TDP1: variants seen among roughly 807,000 people sequenced by gnomAD.
TDP1 encodes tyr-DNA phosphodiesterase 1.
TDP1 carries 64 observed loss-of-function variants against 81.5 expected under a neutral mutation model. The observed-to-expected ratio is 0.79, with a 90% CI of 0.64 to 0.97. The LOEUF (loss-of-function observed/expected upper bound fraction) is 0.97, where lower values mean the gene tolerates loss of function less well. Ranked by LOEUF, TDP1 falls within the 50% of genes least tolerant of loss-of-function variation. TDP1 has a pLI of 0.00. For missense variants in TDP1, 723 were observed against 743.8 expected, an observed-to-expected ratio of 0.97 and a Z score of 0.33; for synonymous variants, 256 against 264.3, an observed-to-expected ratio of 0.97 and a Z score of 0.30.
intron 14 of TDP1, among the ~76,000 whole-genome samples, chr14:90,011,575 G>A (rs1002639192): frequency 1.3e-5 from 2 of 152,220 alleles, no homozygotes; most frequent in South Asian, 4.1e-4. Flanking sequence ...TGAGAAACTT[G>A]TTGGGAACTG....
rs77906527 is a variant in TDP1 at position 90,001,354 on chromosome 14, T to G, written c.1541+7871T>G. ...CATTTTTCATAGATCCTGGGTCACG[T>G]TTTAGTATATGGTTGCCATAGTTAC... On this transcript the variant is annotated intron_variant, in intron 14 of 16. Coordinates refer to ENST00000335725, the MANE Select transcript of TDP1 (RefSeq NM_018319.4). 1.2e-3 allele frequency among the ~76,000 whole-genome samples: 188 copies of G among 152,340 alleles called. 1 individual carries two copies. Among genetic ancestry groups the G allele is most frequent in the African/African-American group, 4.4e-3 (182 of 41,582 alleles).
chr14:89,963,723 TCTC>T (rs1892607989), intron 3 of TDP1, 50 bp downstream of exon 3: 1 of 1,602,598 alleles, frequency 6.2e-7, no homozygotes, highest in African/African-American at 1.3e-5. Flanking sequence ...CTTGAGAGTC[TCTC>T]CTCCGTGAAA....
chr14:89,961,019 G>A (rs1159365785), intron 2 of TDP1, among the ~76,000 whole-genome samples: 1 of 152,198 alleles, frequency 6.6e-6, no homozygotes, highest in African/African-American at 2.4e-5. Flanking sequence ...ATCCCAGGGA[G>A]GAGAGGGTAG....
At chr14:89,966,660 G>C (rs1892977763) in intron 4 of TDP1, among the ~76,000 whole-genome samples, 1 of 152,182 alleles carries the variant, frequency 6.6e-6, no homozygotes, top group Admixed American at 6.5e-5. Flanking sequence ...TAATGGTCCA[G>C]ACCCACAAGT....
chr14:89,961,111 G>T (rs1031319071), intron 2 of TDP1, among the ~76,000 whole-genome samples: 42 of 152,192 alleles, frequency 2.8e-4, no homozygotes, highest in Non-Finnish European at 5.3e-4. Flanking sequence ...ACCAAGGGGG[G>T]ACACGTGTGC....
chr14:90,042,798 T>C (rs2140361952), intron 16 of TDP1: 2 of 843,774 alleles, frequency 2.4e-6, no homozygotes, highest in Non-Finnish European at 2.9e-6. Context: ...CCTCCCACGA[T>C]ATGTGGGAAT....
chr14:90,041,230 G>A (rs922703569), intron 16 of TDP1, among the ~76,000 whole-genome samples: 2 of 152,192 alleles, frequency 1.3e-5, no homozygotes, highest in African/African-American at 2.4e-5. Flanking sequence ...AAGAGAGCAA[G>A]GGCTTGCTGA....
intron 14 of TDP1, among the ~76,000 whole-genome samples, chr14:90,007,413 A>AC (rs1469143834): frequency 6.6e-6 from 1 of 152,026 alleles, no homozygotes; most frequent in African/African-American, 2.4e-5. Flanking sequence ...ACATGGTGAA[A>AC]CCCTGTCTCT....
intron 7 of TDP1, among the ~76,000 whole-genome samples, chr14:89,977,652 A>G (rs895800162): frequency 2.6e-5 from 4 of 152,250 alleles, no homozygotes; most frequent in Non-Finnish European, 5.9e-5. Context: ...ACACAGCTCA[A>G]GAGGATATAG....
At chr14:90,027,168 G>C (rs1886761355) in intron 15 of TDP1, among the ~76,000 whole-genome samples, 2 of 152,072 alleles carry the variant, frequency 1.3e-5, no homozygotes, top group South Asian at 4.2e-4. Flanking sequence ...GGTGTGAGAT[G>C]GTATCTCATT....
intron 2 of TDP1, among the ~76,000 whole-genome samples, chr14:89,957,913 T>G (rs1039609596): frequency 6.6e-6 from 1 of 152,160 alleles, no homozygotes; most frequent in Non-Finnish European, 1.5e-5. Flanking sequence ...CCCTGCCCAC[T>G]CAGCCTGGCA....
intron 15 of TDP1, chr14:90,023,118 A>T (rs1477943724): frequency 1.3e-6 from 1 of 748,542 alleles, no homozygotes; most frequent in East Asian, 2.5e-5. Flanking sequence ...ACTGGTGATT[A>T]CAATATATGA....
intron 3 of TDP1, 67 bp downstream of exon 3, chr14:89,963,740 G>A: frequency 6.4e-7 from 1 of 1,565,830 alleles, no homozygotes; most frequent in Non-Finnish European, 8.8e-7. Flanking sequence ...CGTGAAACAA[G>A]GAGGGCAGCC....
At chr14:90,037,009 G>A (rs1017984068) in intron 16 of TDP1, among the ~76,000 whole-genome samples, 8 of 151,968 alleles carry the variant, frequency 5.3e-5, no homozygotes, top group African/African-American at 1.5e-4. Context: ...ATGGGGTCTC[G>A]CTATGTTGCC....
chr14:90,003,287 A>G (rs1308729890), intron 14 of TDP1, among the ~76,000 whole-genome samples: 1 of 152,252 alleles, frequency 6.6e-6, no homozygotes, highest in Non-Finnish European at 1.5e-5. Flanking sequence ...AATCAGGACA[A>G]GTACCGTCAG....
intron 14 of TDP1, among the ~76,000 whole-genome samples, chr14:90,004,846 A>T (rs1897517605): frequency 6.6e-6 from 1 of 152,188 alleles, no homozygotes; most frequent in South Asian, 2.1e-4. Context: ...TAGGAGAGTT[A>T]AACATGCTGT....
chr14:89,984,368 C>G, intron 8 of TDP1, 148 bp from the exon 9 acceptor site: 2 of 1,538,504 alleles, frequency 1.3e-6, no homozygotes, highest in Non-Finnish European at 1.7e-6. Flanking sequence ...GTGGTGTTCT[C>G]AGATTTATGT....
intron 6 of TDP1, among the ~76,000 whole-genome samples, chr14:89,974,326 G>A (rs556219235): frequency 6.6e-6 from 1 of 152,312 alleles, no homozygotes; most frequent in Admixed American, 6.5e-5. Context: ...CGAAACAAAA[G>A]CCAGGTCTCT....
chr14:89,989,706 CTTATT>C lies in TDP1; in HGVS notation c.1318-8_1318-4del. ...ACATTCCGAGTTTTATTGTTTTCCT[CTTATT>C]TTTAGATCTATCCTTCTGTGGAAAA... On this transcript the variant is annotated splice_region_variant and splice_polypyrimidine_tract_variant and intron_variant, in intron 11 of 16. Transcript: ENST00000335725. The C allele has an allele frequency of 6.2e-7, 1 of 1,604,026 alleles. No individual in the cohort carries two copies. The highest frequency in any genetic ancestry group is 1.3e-5 in the African/African-American group (1 of 74,724).
Sources: gnomAD v4.1 joint callset for allele counts (sites outside exome capture counted in the v4.1 genomes callset) on GRCh38, gnomAD v4.1.1 for gene constraint, MANE v1.5 for transcripts, NCBI Gene and HGNC (gene_info 2026-07-23, HGNC 2026-07-21) for gene names.